Variants in HSD17B3 observed in about 807,000 individuals in gnomAD.
The protein encoded by HSD17B3 is hydroxysteroid 17-beta dehydrogenase 3, also known as 17-beta-hydroxysteroid dehydrogenase type 3.
HSD17B3 carries 29 observed loss-of-function variants against 41.1 expected under a neutral mutation model. The observed-to-expected ratio is 0.71, with a 90% CI of 0.53 to 0.96. The LOEUF (loss-of-function observed/expected upper bound fraction) is 0.96. Ranked by LOEUF, HSD17B3 falls within the 40% of genes least tolerant of loss-of-function variation. The pLI is 0.00. For missense variants in HSD17B3, 323 were observed against 374.6 expected, an observed-to-expected ratio of 0.86 and a Z score of 1.14; for synonymous variants, 126 against 145.6, an observed-to-expected ratio of 0.87 and a Z score of 0.97.
At chr9:96,262,653 T>C (rs1825905001) in intron 2 of HSD17B3, among the ~76,000 whole-genome samples, 2 of 152,174 alleles carry the variant, frequency 1.3e-5, no homozygotes, top group Admixed American at 1.3e-4. Context: ...ATGAATATTT[T>C]CCTTTTATTA....
chr9:96,237,109 C>T (rs1275685069), intron 10 of HSD17B3, among the ~76,000 whole-genome samples: 4 of 152,320 alleles, frequency 2.6e-5, no homozygotes, highest in Admixed American at 6.5e-5. Context: ...TTTTTCTCTC[C>T]GAGCTTTCTT....
intron 2 of HSD17B3, among the ~76,000 whole-genome samples, chr9:96,269,207 G>T (rs561921424): frequency 2.0e-5 from 3 of 152,176 alleles, no homozygotes; most frequent in African/African-American, 7.2e-5. Context: ...GTAAGTAATT[G>T]TGTTATGTAA....
At chr9:96,277,937 G>A (rs939618694) in intron 2 of HSD17B3, among the ~76,000 whole-genome samples, 1 of 151,992 alleles carries the variant, frequency 6.6e-6, no homozygotes, top group African/African-American at 2.4e-5. Context: ...ATGGATAAAT[G>A]TTGGACATGG....
intron 2 of HSD17B3, among the ~76,000 whole-genome samples, chr9:96,295,883 G>T (rs72745851): frequency 2.0e-5 from 3 of 152,098 alleles, no homozygotes; most frequent in African/African-American, 4.8e-5. Flanking sequence ...GATGACACTT[G>T]GAGGTAAGGC....
At chr9:96,253,003 A>ACTG in intron 3 of HSD17B3, 93 bp from the exon 4 acceptor site, 3 of 812,442 alleles carry the variant, frequency 3.7e-6, no homozygotes, top group Non-Finnish European at 4.4e-6. Flanking sequence ...TTACCTGAGC[A>ACTG]GACATTGAAG....
intron 4 of HSD17B3, among the ~76,000 whole-genome samples, chr9:96,252,542 CAAAA>C (rs750492480): frequency 7.9e-5 from 5 of 63,558 alleles, no homozygotes; most frequent in Admixed American, 1.9e-4. Flanking sequence ...GACTGCATCT[CAAAA>C]AAAAAAAAAA....
rs114294683 is a variant in HSD17B3, at chr9:96,288,040, A to G, written c.201+10376T>C. Among the ~76,000 whole-genome samples the G allele has an allele frequency of 6.1e-3, 926 of 152,320 alleles. 16 individuals carry two copies. The highest frequency in any genetic ancestry group is 0.02 in the African/African-American group (852 of 41,584). ...CAAAACAATATGCTAAGTGGAAGAA[A>G]ACAGTCACGGAGAACGGCATGTTGT... On this transcript the variant is annotated intron_variant, in intron 2 of 10. Transcript: ENST00000375263.
chr9:96,272,444 T>A (rs1168700049), intron 2 of HSD17B3, among the ~76,000 whole-genome samples: 30 of 97,506 alleles, frequency 3.1e-4, no homozygotes, highest in Non-Finnish European at 5.3e-4. Context: ...TATATATATA[T>A]ATAAAATATA....
chr9:96,272,373 ATCTC>A (rs373017603), intron 2 of HSD17B3, among the ~76,000 whole-genome samples: 1 of 4,418 alleles, frequency 2.3e-4, no homozygotes, highest in African/African-American at 6.4e-4. Flanking sequence ...GTAAGACTGC[ATCTC>A]TCTCTCTCTC....
intron 5 of HSD17B3, chr9:96,250,071 G>T: frequency 7.2e-7 from 1 of 1,382,232 alleles, no homozygotes; most frequent in Non-Finnish European, 9.4e-7. Context: ...ATATAAATAC[G>T]GTTTTTCAAA....
chr9:96,269,125 C>CCATT (rs1384050835), intron 2 of HSD17B3, among the ~76,000 whole-genome samples: 1 of 152,118 alleles, frequency 6.6e-6, no homozygotes, highest in Non-Finnish European at 1.5e-5. Flanking sequence ...GTGGTAGAGC[C>CCATT]CATTGCTCCT....
chr9:96,259,193 G>T (rs1825771339), intron 2 of HSD17B3, among the ~76,000 whole-genome samples: 1 of 152,150 alleles, frequency 6.6e-6, no homozygotes, highest in Admixed American at 6.5e-5. Flanking sequence ...CTCCCTGCTG[G>T]GAGCCATTTA....
chr9:96,246,278 G>C (rs1232087776), intron 7 of HSD17B3, among the ~76,000 whole-genome samples: 4 of 152,164 alleles, frequency 2.6e-5, no homozygotes, highest in African/African-American at 9.7e-5. Context: ...CTCAACATTA[G>C]TTAATTTTTC....
At chr9:96,251,777 C>T (rs1587728164) in intron 4 of HSD17B3, among the ~76,000 whole-genome samples, 1 of 152,228 alleles carries the variant, frequency 6.6e-6, no homozygotes. Context: ...ACAGCACATA[C>T]GTATAATTCC....
intron 2 of HSD17B3, among the ~76,000 whole-genome samples, chr9:96,291,459 T>C (rs900541634): frequency 2.7e-5 from 4 of 146,592 alleles, no homozygotes; most frequent in Non-Finnish European, 4.5e-5. Flanking sequence ...CCCACAGCAA[T>C]GTCAGTATGG....
chr9:96,263,794 T>TG (rs1399228683), intron 2 of HSD17B3, among the ~76,000 whole-genome samples: 1 of 151,500 alleles, frequency 6.6e-6, no homozygotes, highest in Non-Finnish European at 1.5e-5. Flanking sequence ...TTTTCTGAGG[T>TG]GGGGGTTATT....
chr9:96,252,542 C>CAA (rs750492480), intron 4 of HSD17B3, among the ~76,000 whole-genome samples: 3 of 63,558 alleles, frequency 4.7e-5, no homozygotes, highest in Admixed American at 1.9e-4. Flanking sequence ...GACTGCATCT[C>CAA]AAAAAAAAAA....
In HSD17B3 at chr9:96,292,170, T is replaced by TA. The variant is rs199754695; in HGVS notation, c.201+6245dup. 8.3e-4 allele frequency among the ~76,000 whole-genome samples: 124 copies of TA among 149,756 alleles called. 1 individual carries two copies. The East Asian group carries it at 0.018, about 22-fold the overall frequency. On this transcript the variant is annotated intron_variant, in intron 2 of 10. Transcript: ENST00000375263. ...GAAAAGAATCAATGAACTTGAAGAT[T>TA]AAAAAAAAAGCAATTACCCAATATA...
chr9:96,287,188 T>C (rs1826956396), intron 2 of HSD17B3, among the ~76,000 whole-genome samples: 1 of 152,092 alleles, frequency 6.6e-6, no homozygotes, highest in African/African-American at 2.4e-5. Context: ...CCCGCTTTAC[T>C]CTCCCTCTTA....
Sources: gnomAD v4.1 joint callset for allele counts (sites outside exome capture counted in the v4.1 genomes callset) on GRCh38, gnomAD v4.1.1 for gene constraint, MANE v1.5 for transcripts, NCBI Gene and HGNC (gene_info 2026-07-23, HGNC 2026-07-21) for gene names.